The following NRG1 variants were observed in gnomAD, a reference collection of about 807,000 sequenced individuals.
NRG1 encodes the protein pro-neuregulin-1, membrane-bound isoform.
A neutral mutation model predicts 63.8 loss-of-function variants in NRG1; 18 were observed. The observed-to-expected ratio is 0.28, with a 90% CI of 0.19 to 0.42. The LOEUF is 0.42. Ranked by LOEUF, NRG1 falls within the 10% of genes least tolerant of loss-of-function variation. NRG1 has a pLI of 1.00. For synonymous variants in NRG1, 302 were observed against 301.3 expected, an observed-to-expected ratio of 1.00 and a Z score of -0.02; for missense variants, 762 against 814.7, an observed-to-expected ratio of 0.94 and a Z score of 0.79.
At chr8:32,082,072 CTAAT>C (rs565868377) in intron 1 of NRG1, among the ~76,000 whole-genome samples, 1 of 152,186 alleles carries the variant, frequency 6.6e-6, no homozygotes, top group South Asian at 2.1e-4. Context: ...GACTGATCAA[CTAAT>C]TAAGATCTTG....
Position 32,742,653 on chromosome 8 carries a change from G to GT in NRG1, c.633-15dup, listed in dbSNP as rs760961872. The GT allele has an allele frequency of 2.3e-5, 37 of 1,606,262 alleles. No individual in the cohort carries two copies. The highest frequency in any genetic ancestry group is 2.8e-5 in the Non-Finnish European group (33 of 1,173,358). On this transcript the variant is annotated intron_variant, in intron 6 of 11. Coordinates refer to ENST00000356819, the Ensembl canonical transcript of NRG1. This position sits in a 1 kb window ranked among gnomAD's most constrained non-coding sequence, Gnocchi z 4.2. ...TCTTTTTCTCTGTTTTTCTACCATTGTTTTTTTGTTTCTTCTCTCAGGTGC... is the reference window on the plus strand; with the variant it reads ...TCTTTTTCTCTGTTTTTCTACCATTGTTTTTTTTGTTTCTTCTCTCAGGTGC...
chr8:32,354,788 A>T (rs1401517139), intron 1 of NRG1, among the ~76,000 whole-genome samples: 2 of 102,040 alleles, frequency 2.0e-5, no homozygotes, highest in Non-Finnish European at 4.4e-5. Context: ...ATCTCAATGA[A>T]GCTGCTTTTT....
chr8:31,750,921 G>T (rs1405137227), intron 1 of NRG1, among the ~76,000 whole-genome samples: 1 of 151,880 alleles, frequency 6.6e-6, no homozygotes, highest in Non-Finnish European at 1.5e-5. Context: ...TGAATCTCAG[G>T]TCATTGGAAT....
At chr8:32,149,407 C>T (rs1344278500) in intron 1 of NRG1, among the ~76,000 whole-genome samples, 1 of 152,130 alleles carries the variant, frequency 6.6e-6, no homozygotes, top group Non-Finnish European at 1.5e-5. Context: ...GTCTGGAATA[C>T]CTTCCCCTCC....
intron 1 of NRG1, among the ~76,000 whole-genome samples, chr8:32,147,500 G>A (rs559152201): frequency 7.9e-5 from 12 of 152,290 alleles, no homozygotes; most frequent in African/African-American, 2.9e-4. Context: ...ATGAGTAAAA[G>A]TATCACAGAA....
intron 1 of NRG1, among the ~76,000 whole-genome samples, chr8:31,644,293 C>T (rs929112787): frequency 7.2e-5 from 11 of 152,028 alleles, no homozygotes; most frequent in South Asian, 2.1e-4. Context: ...AAATCTATAC[C>T]GGATTTAAAA....
chr8:32,563,191 ATTC>A (rs1210059437), intron 1 of NRG1, among the ~76,000 whole-genome samples: 5 of 152,168 alleles, frequency 3.3e-5, no homozygotes, highest in Non-Finnish European at 7.3e-5. Context: ...GCCCAAGATA[ATTC>A]TTCTTCCAAT....
intron 1 of NRG1, among the ~76,000 whole-genome samples, chr8:32,323,148 A>G (rs902817145): frequency 6.6e-5 from 10 of 152,106 alleles, no homozygotes; most frequent in Admixed American, 3.9e-4. Flanking sequence ...TCTGATTCCT[A>G]TGTAAAGAAG....
At chr8:31,698,386 G>A (rs1332020904) in intron 1 of NRG1, among the ~76,000 whole-genome samples, 1 of 152,134 alleles carries the variant, frequency 6.6e-6, no homozygotes, top group Admixed American at 6.5e-5. Context: ...TTTTTAGCTA[G>A]CAAGGCTATG....
intron 1 of NRG1, among the ~76,000 whole-genome samples, chr8:31,723,816 T>TGAGC (rs1394757479): frequency 6.6e-6 from 1 of 152,122 alleles, no homozygotes; most frequent in African/African-American, 2.4e-5. Context: ...TTGGATTGAG[T>TGAGC]GAGCATTCGA....
At chr8:31,792,308 A>G (rs1820793661) in intron 1 of NRG1, among the ~76,000 whole-genome samples, 1 of 152,216 alleles carries the variant, frequency 6.6e-6, no homozygotes, top group Admixed American at 6.5e-5. Context: ...TTATTCCTGG[A>G]AGTAAATTTT....
intron 1 of NRG1, among the ~76,000 whole-genome samples, chr8:32,561,434 C>T: frequency 6.6e-6 from 1 of 152,122 alleles, no homozygotes; most frequent in East Asian, 1.9e-4. Flanking sequence ...ATAAGTAGTC[C>T]TAATGTCATA....
intron 1 of NRG1, among the ~76,000 whole-genome samples, chr8:31,943,186 A>G (rs1019482524): frequency 6.6e-6 from 1 of 152,182 alleles, no homozygotes; most frequent in East Asian, 1.9e-4. Context: ...CACACACGCC[A>G]TGGAATACTA....
intron 1 of NRG1, among the ~76,000 whole-genome samples, chr8:32,159,127 A>G (rs1209176149): frequency 6.6e-6 from 1 of 152,248 alleles, no homozygotes; most frequent in Non-Finnish European, 1.5e-5. Context: ...TGGATCATCC[A>G]CTAGTCAGCA....
chr8:32,064,335 G>A (rs1406468471), intron 1 of NRG1, among the ~76,000 whole-genome samples: 1 of 152,218 alleles, frequency 6.6e-6, no homozygotes, highest in African/African-American at 2.4e-5. Context: ...AGGGAGTTAG[G>A]GCAGACTACT....
At chr8:32,577,293 A>G (rs142710475) in intron 1 of NRG1, among the ~76,000 whole-genome samples, 1,525 of 152,302 alleles carry the variant, frequency 0.01, 27 homozygotes, top group African/African-American at 0.035. Flanking sequence ...ACTGAATCAG[A>G]GTCTTTCAAT....
intron 1 of NRG1, among the ~76,000 whole-genome samples, chr8:32,100,329 G>A (rs1328204264): frequency 6.6e-6 from 1 of 152,142 alleles, no homozygotes; most frequent in Non-Finnish European, 1.5e-5. Flanking sequence ...AATACATAAA[G>A]CACTTTCACG....
intron 1 of NRG1, among the ~76,000 whole-genome samples, chr8:32,086,986 T>G (rs1391540028): frequency 6.6e-6 from 1 of 152,196 alleles, no homozygotes; most frequent in African/African-American, 2.4e-5. Context: ...TAGAAGATCT[T>G]AGCATCTGAC....
At chr8:32,546,674 T>C (rs1336773298), upstream of NRG1, among the ~76,000 whole-genome samples, 2 of 152,234 alleles carry the variant, frequency 1.3e-5, no homozygotes, top group Non-Finnish European at 2.9e-5. Flanking sequence ...TTGGTGTTTG[T>C]AGGAAGGCTA....
Sources: gnomAD v4.1 joint callset for allele counts (sites outside exome capture counted in the v4.1 genomes callset) on GRCh38, gnomAD v4.1.1 for gene constraint, Gnocchi (gnomAD v3.1) non-coding constraint, MANE v1.5 for transcripts, NCBI Gene and HGNC (gene_info 2026-07-23, HGNC 2026-07-21) for gene names.